The following TADA2A variants were observed in gnomAD, a reference collection of about 807,000 sequenced individuals.
TADA2A encodes the protein transcriptional adaptor 2A, also known as transcriptional adapter 2-alpha.
In TADA2A, 38 loss-of-function variants were observed where a neutral mutation model predicts 67.4. The ratio of observed to expected loss-of-function variants is 0.56; its 90% CI spans 0.44 to 0.74. The LOEUF (loss-of-function observed/expected upper bound fraction) is 0.74, where lower values mean the gene tolerates loss of function less well. Ranked by LOEUF, TADA2A falls within the 30% of genes least tolerant of loss-of-function variation. TADA2A has a pLI of 0.00. For missense variants in TADA2A, 454 were observed against 547.0 expected (o/e 0.83, Z 1.70); for synonymous variants, 192 against 181.6 (o/e 1.06, Z -0.46).
chr17:37,427,082 C>A, intron 4 of TADA2A, 73 bp downstream of exon 4: 1 of 1,353,644 alleles, frequency 7.4e-7, no homozygotes, highest in South Asian at 1.5e-5. Context: ...TTTTCTTTTC[C>A]ATTTTTCTTT....
At chr17:37,470,949 AG>A (rs1245300635) in intron 13 of TADA2A, 144 bp from the exon 14 acceptor site, 2 of 776,408 alleles carry the variant, frequency 2.6e-6, no homozygotes, top group Non-Finnish European at 4.4e-6. Flanking sequence ...CAATACAGTG[AG>A]ATATCTGTAA....
At chr17:37,449,080 G>A (rs2053161371) in intron 8 of TADA2A, among the ~76,000 whole-genome samples, 1 of 151,886 alleles carries the variant, frequency 6.6e-6, no homozygotes, top group Non-Finnish European at 1.5e-5. Flanking sequence ...GAGTGCAGTG[G>A]CGCGATCTTG....
chr17:37,407,496 G>C (rs2051623083), intron 1 of TADA2A: 1 of 152,236 alleles, frequency 6.6e-6, no homozygotes, highest in South Asian at 2.1e-4. Context: ...TCCTTCTCCC[G>C]GTAACTGATT....
chr17:37,457,370 A>C (rs2053423465), intron 8 of TADA2A, among the ~76,000 whole-genome samples: 1 of 150,704 alleles, frequency 6.6e-6, no homozygotes, highest in South Asian at 2.1e-4. Context: ...TAGTAAAGAC[A>C]TGGTTTCACC....
At chr17:37,437,980 A>G (rs530258382) in intron 5 of TADA2A, 151 bp downstream of exon 5, 2 of 684,500 alleles carry the variant, frequency 2.9e-6, no homozygotes, top group East Asian at 2.7e-5. Flanking sequence ...CCCTCTGTAC[A>G]TTATTTTTCC....
At chr17:37,455,977 G>T (rs192689281) in intron 8 of TADA2A, among the ~76,000 whole-genome samples, 1 of 152,284 alleles carries the variant, frequency 6.6e-6, no homozygotes, top group East Asian at 1.9e-4. Context: ...GCCAAAGTGG[G>T]TGGATTACTT....
chr17:37,444,841 G>A, intron 8 of TADA2A, 73 bp downstream of exon 8: 1 of 1,371,906 alleles, frequency 7.3e-7, no homozygotes, highest in Non-Finnish European at 1.0e-6. Flanking sequence ...GCTAGGAATT[G>A]AAGGATGAAT....
chr17:37,471,031 G>C, intron 13 of TADA2A, 63 bp from the exon 14 acceptor site: 1 of 1,570,052 alleles, frequency 6.4e-7, no homozygotes, highest in East Asian at 2.2e-5. Context: ...CAGTCTCACC[G>C]GGGCTTTTGG....
At chr17:37,464,074 G>C (rs566796179) in intron 10 of TADA2A, among the ~76,000 whole-genome samples, 1 of 152,286 alleles carries the variant, frequency 6.6e-6, no homozygotes, top group East Asian at 1.9e-4. Context: ...CCAAGTAGCA[G>C]TTCGAGAGTT....
intron 4 of TADA2A, among the ~76,000 whole-genome samples, chr17:37,432,158 T>A (rs554985101): frequency 1.4e-5 from 2 of 146,960 alleles, no homozygotes; most frequent in East Asian, 2.0e-4. Flanking sequence ...CACTCAGCTT[T>A]TTTATTTATT....
intron 8 of TADA2A, among the ~76,000 whole-genome samples, chr17:37,455,880 G>C (rs2053377632): frequency 6.6e-6 from 1 of 151,782 alleles, no homozygotes; most frequent in Non-Finnish European, 1.5e-5. Flanking sequence ...TTGTATGCAT[G>C]GTGTATAGGG....
intron 4 of TADA2A, among the ~76,000 whole-genome samples, chr17:37,427,360 G>C (rs1053459285): frequency 6.6e-6 from 1 of 152,298 alleles, no homozygotes; most frequent in East Asian, 1.9e-4. Flanking sequence ...TTGTCACTGT[G>C]TGCTCATGGT....
chr17:37,467,305 A>G (rs903275226), intron 11 of TADA2A, 149 bp from the exon 12 acceptor site: 2 of 609,396 alleles, frequency 3.3e-6, no homozygotes, highest in Middle Eastern at 3.2e-4. Context: ...TAAAATTTCT[A>G]ATGAGAAGTT....
chr17:37,449,300 C>T (rs1325906559), intron 8 of TADA2A, among the ~76,000 whole-genome samples: 5 of 152,178 alleles, frequency 3.3e-5, no homozygotes, highest in South Asian at 4.1e-4. Flanking sequence ...GGATTACAGG[C>T]GTGAGCCACC....
rs545436243 is a variant in TADA2A, at chr17:37,437,811, A to G, written c.266A>G (p.Asp89Gly). The change falls in exon 5 of 16, where the codon GAC (aspartate) becomes GGC (glycine). Residue 89 changes from aspartate to glycine, a missense_variant. Physicochemically the swap from Asp to Gly is moderately conservative, Grantham distance 94 (BLOSUM62 -1). This residue lies in a region of TADA2A where 403 missense variants were observed against 455.5 expected (regional missense o/e 0.88). Coordinates refer to ENST00000615182, the MANE Select transcript of TADA2A (RefSeq NM_001166105.3). ...ATGGCCCTTTTAGAAGCTGTGATGG[A>G]CTGTGGCTTTGGAAATTGGTAAGAG... The part of the protein sequence containing the change: ...EEMALLEAVM[D>G]CGFGNWQDVA... 1 of 1,614,120 alleles carries G rather than the reference A, an allele frequency of 6.2e-7. No individual in the cohort carries two copies. Among genetic ancestry groups the G allele is most frequent in the Non-Finnish European group, 8.5e-7 (1 of 1,180,002 alleles).
chr17:37,424,504 G>T (rs1417206741), intron 3 of TADA2A, among the ~76,000 whole-genome samples: 1 of 151,762 alleles, frequency 6.6e-6, no homozygotes, highest in African/African-American at 2.4e-5. Context: ...GACAGAGCAA[G>T]ACTCTGTATC....
At chr17:37,450,148 G>A (rs924145339) in intron 8 of TADA2A, among the ~76,000 whole-genome samples, 4 of 152,150 alleles carry the variant, frequency 2.6e-5, no homozygotes, top group Non-Finnish European at 4.4e-5. Flanking sequence ...ATTCAAAGCC[G>A]TCCTGGGCTG....
intron 3 of TADA2A, among the ~76,000 whole-genome samples, chr17:37,425,236 G>T (rs1199261776): frequency 6.6e-6 from 1 of 152,160 alleles, no homozygotes; most frequent in East Asian, 1.9e-4. Context: ...AACATAACTG[G>T]AAGATTATTC....
intron 2 of TADA2A, among the ~76,000 whole-genome samples, chr17:37,417,210 C>G (rs926867303): frequency 6.6e-6 from 1 of 151,360 alleles, no homozygotes; most frequent in Non-Finnish European, 1.5e-5. Context: ...TGAAACCCCG[C>G]CTCTACTGAA....
Sources: gnomAD v4.1 joint callset for allele counts (sites outside exome capture counted in the v4.1 genomes callset) on GRCh38, gnomAD v4.1.1 for gene constraint, gnomAD v4.1.1 regional missense constraint, MANE v1.5 for transcripts, NCBI Gene and HGNC (gene_info 2026-07-23, HGNC 2026-07-21) for gene names.